Variants in ROCK2 observed in about 807,000 individuals in gnomAD.
The protein encoded by ROCK2 is rho-associated protein kinase 2.
In ROCK2, 61 loss-of-function variants were observed where a neutral mutation model predicts 195.1. The observed-to-expected ratio is 0.31, with a 90% CI of 0.25 to 0.39. The LOEUF is 0.39. ROCK2 is among the 10% of genes least tolerant of loss of function. The pLI, the probability that ROCK2 is intolerant of heterozygous loss-of-function variation, is 1.00. For missense variants in ROCK2, 1,109 were observed against 1,637.4 expected (o/e 0.68, Z 5.57); for synonymous variants, 504 against 545.5 (o/e 0.92, Z 1.06).
chr2:11,228,871 C>T (rs1664902473), intron 5 of ROCK2, among the ~76,000 whole-genome samples: 2 of 151,842 alleles, frequency 1.3e-5, no homozygotes, highest in African/African-American at 4.8e-5. Context: ...AAAGAATTGG[C>T]ATAAAGTTAG....
Position 11,280,573 on chromosome 2 carries a change from T to C in ROCK2, c.324+5966A>G, listed in dbSNP as rs373399347. Among the ~76,000 whole-genome samples the C allele has an allele frequency of 1.1e-4, 17 of 151,942 alleles. No individual in the cohort carries two copies. In the East Asian group the frequency reaches 2.3e-3, roughly 21 times the overall value. ...TGAGCCCAGGAGGCGGAGGTTACAG[T>C]GAGCTGAGATTACACTACTGCACTC... On this transcript the variant is annotated intron_variant, in intron 3 of 32. Coordinates refer to ENST00000315872, the MANE Select transcript of ROCK2 (RefSeq NM_004850.5).
intron 9 of ROCK2, among the ~76,000 whole-genome samples, chr2:11,219,568 G>A (rs901454161): frequency 2.0e-5 from 3 of 151,928 alleles, no homozygotes; most frequent in Non-Finnish European, 2.9e-5. Flanking sequence ...TCCCTCTTAC[G>A]GGATAACTAG....
At position 11,265,931 on chromosome 2, in the gene ROCK2, C is replaced by CA. The variant is rs11286415; in HGVS notation, c.325-16134dup. Among the ~76,000 whole-genome samples, 184 of 146,238 alleles carry CA rather than the reference C, an allele frequency of 1.3e-3. 1 individual carries two copies. Among genetic ancestry groups the CA allele is most frequent in the Non-Finnish European group, 2.1e-3 (142 of 66,048 alleles). Reference sequence around the variant, plus strand: ...GCAACACTGGGGGACCTTGTTTCTACAAAAAAAAAAAAAAATTCAAAACTA... The same window carrying CA: ...GCAACACTGGGGGACCTTGTTTCTACAAAAAAAAAAAAAAAATTCAAAACTA... On this transcript the variant is annotated intron_variant, in intron 3 of 32. Coordinates refer to ENST00000315872, the MANE Select transcript of ROCK2 (RefSeq NM_004850.5).
intron 5 of ROCK2, among the ~76,000 whole-genome samples, chr2:11,231,957 C>A (rs1665028118): frequency 6.6e-6 from 1 of 152,078 alleles, no homozygotes; most frequent in Non-Finnish European, 1.5e-5. Flanking sequence ...CTGTAAAGGG[C>A]CAGACTCTAA....
At chr2:11,336,759 GA>G (rs945063507) in intron 1 of ROCK2, among the ~76,000 whole-genome samples, 1 of 145,204 alleles carries the variant, frequency 6.9e-6, no homozygotes, top group Non-Finnish European at 1.5e-5. Flanking sequence ...ATTATGTGGA[GA>G]AAAAAAATTA....
intron 1 of ROCK2, among the ~76,000 whole-genome samples, chr2:11,293,875 C>T (rs1418252723): frequency 6.6e-6 from 1 of 152,030 alleles, no homozygotes; most frequent in African/African-American, 2.4e-5. Context: ...AAAGAACGTA[C>T]GGGCCAGGCG....
At chr2:11,208,077 A>AT (rs1236158339) in intron 19 of ROCK2, among the ~76,000 whole-genome samples, 167 bp from the exon 20 acceptor site, 1 of 151,198 alleles carries the variant, frequency 6.6e-6, no homozygotes, top group Non-Finnish European at 1.5e-5. Flanking sequence ...TTATAATTGT[A>AT]TTTTTTAAAT....
intron 3 of ROCK2, among the ~76,000 whole-genome samples, chr2:11,275,620 A>G (rs1041393938): frequency 6.6e-6 from 1 of 152,054 alleles, no homozygotes; most frequent in Non-Finnish European, 1.5e-5. Context: ...ATTAAACCAC[A>G]TTAACAGAAT....
intron 1 of ROCK2, among the ~76,000 whole-genome samples, chr2:11,329,342 C>G (rs531352376): frequency 6.6e-6 from 1 of 151,712 alleles, no homozygotes; most frequent in South Asian, 2.1e-4. Flanking sequence ...TAACTAGAGT[C>G]AAACTGAGTA....
chr2:11,212,432 C>A (rs1234139733), intron 17 of ROCK2, among the ~76,000 whole-genome samples: 5 of 152,026 alleles, frequency 3.3e-5, no homozygotes, highest in African/African-American at 1.2e-4. Context: ...ATTCTAAAGA[C>A]CCTTTTCAGT....
At chr2:11,281,525 T>C (rs1178896708) in intron 3 of ROCK2, among the ~76,000 whole-genome samples, 1 of 152,160 alleles carries the variant, frequency 6.6e-6, no homozygotes, top group Non-Finnish European at 1.5e-5. Context: ...AGACAGAAGG[T>C]TAATACACAA....
At chr2:11,259,056 G>C (rs984820353) in intron 3 of ROCK2, among the ~76,000 whole-genome samples, 3 of 151,312 alleles carry the variant, frequency 2.0e-5, no homozygotes, top group African/African-American at 7.4e-5. Context: ...CAAGAGAAGT[G>C]AGGACAGGGG....
At chr2:11,275,574 C>A (rs1203735700) in intron 3 of ROCK2, among the ~76,000 whole-genome samples, 1 of 152,032 alleles carries the variant, frequency 6.6e-6, no homozygotes, top group Non-Finnish European at 1.5e-5. Context: ...TTCCTAGAAT[C>A]CAAGGATGGT....
At chr2:11,317,690 T>C (rs1352724431) in intron 1 of ROCK2, among the ~76,000 whole-genome samples, 2 of 145,558 alleles carry the variant, frequency 1.4e-5, no homozygotes, top group African/African-American at 2.6e-5. Flanking sequence ...TATGTATACA[T>C]GTGCCATGTT....
At chr2:11,236,023 A>ATTTAAAAATT in intron 4 of ROCK2, 61 bp from the exon 5 acceptor site, 1 of 1,388,686 alleles carries the variant, frequency 7.2e-7, no homozygotes, top group Admixed American at 2.7e-5. Context: ...CATAATCAGA[A>ATTTAAAAATT]CAAAAATTTA....
Position 11,215,607 on chromosome 2 carries a change from C to T in ROCK2, c.1500G>A (p.Gln500=). Residue 500 remains glutamine (Q), a synonymous_variant, in exon 14 of 33, where the codon CAG becomes CAA. Transcript: ENST00000315872. ...LRKSVESALR[Q]LEREKALLQH... ...GAAGAAGCGCCTTTTCTCTTTCTAA[C>T]TGTCTTAATGCTGATTCCACACTTT... 6.2e-7 allele frequency: 1 copy of T among 1,613,176 alleles called. No homozygotes were observed. The highest frequency in any genetic ancestry group is 8.5e-7 in the Non-Finnish European group (1 of 1,179,476).
At chr2:11,329,898 A>G (rs559806072) in intron 1 of ROCK2, among the ~76,000 whole-genome samples, 12 of 152,374 alleles carry the variant, frequency 7.9e-5, no homozygotes, top group African/African-American at 2.9e-4. Context: ...TGAGTTGCAT[A>G]TTCCGTTTAA....
At chr2:11,247,728 A>G (rs969115109) in intron 4 of ROCK2, among the ~76,000 whole-genome samples, 1 of 152,244 alleles carries the variant, frequency 6.6e-6, no homozygotes, top group Non-Finnish European at 1.5e-5. Context: ...ATAAATTATC[A>G]TGGTATGCAG....
intron 3 of ROCK2, 130 bp downstream of exon 3, chr2:11,286,409 A>C (rs1028089153): frequency 6.4e-6 from 4 of 628,432 alleles, no homozygotes; most frequent in South Asian, 4.2e-5. Flanking sequence ...AGATGAGGAC[A>C]CTGACCAAGA....
Sources: allele counts gnomAD v4.1 joint callset (sites outside exome capture counted in the v4.1 genomes callset), GRCh38; gene constraint gnomAD v4.1.1; transcripts MANE v1.5; gene names NCBI Gene and HGNC (gene_info 2026-07-23, HGNC 2026-07-21).